Variants in SLC1A2 observed in about 807,000 individuals in gnomAD.
The protein encoded by SLC1A2 is excitatory amino acid transporter 2.
In SLC1A2, 15 loss-of-function variants were observed where a neutral mutation model predicts 48.8. The observed-to-expected ratio is 0.31, with a 90% CI of 0.21 to 0.47. SLC1A2 has a LOEUF of 0.47. Among genes scored for constraint, SLC1A2 ranks in the 20% least tolerant of loss-of-function variants. The pLI, the probability that SLC1A2 is intolerant of heterozygous loss-of-function variation, is 0.99. For synonymous variants in SLC1A2, 279 were observed against 272.6 expected, an observed-to-expected ratio of 1.02 and a Z score of -0.23; for missense variants, 502 against 730.5, an observed-to-expected ratio of 0.69 and a Z score of 3.61.
chr11:35,273,298 G>T (rs192650618), intron 9 of SLC1A2, among the ~76,000 whole-genome samples: 127 of 152,302 alleles, frequency 8.3e-4, no homozygotes, highest in African/African-American at 2.6e-3. Context: ...AAAGTCACAT[G>T]GGGTTAGGGA....
At chr11:35,393,071 A>C (rs1178540956) in intron 1 of SLC1A2, among the ~76,000 whole-genome samples, 1 of 152,198 alleles carries the variant, frequency 6.6e-6, no homozygotes, top group Admixed American at 6.5e-5. Context: ...TGAGAGGCCA[A>C]GTCATTAATC....
chr11:35,342,127 A>T (rs1333811986), intron 1 of SLC1A2, among the ~76,000 whole-genome samples: 1 of 152,184 alleles, frequency 6.6e-6, no homozygotes, highest in African/African-American at 2.4e-5. Context: ...GTAAATGGAG[A>T]TTCTTATATA....
intron 1 of SLC1A2, among the ~76,000 whole-genome samples, chr11:35,333,353 G>A (rs1382338199): frequency 6.6e-6 from 1 of 151,494 alleles, no homozygotes; most frequent in African/African-American, 2.4e-5. Flanking sequence ...GGAGGCGGAG[G>A]CAGCAGTGAG....
rs146761568 is a variant in SLC1A2, at chr11:35,367,052, A to C, written c.18-49536T>G. Among the ~76,000 whole-genome samples the C allele has an allele frequency of 2.9e-4, 44 of 152,334 alleles. No homozygotes were observed. The East Asian group carries it at 7.3e-3, about 25-fold the overall frequency. ...CTGACTCTATCATAGCAGACTTGCT[A>C]CTTACCTCCCAAATGATACTCATCT... is the stretch of plus-strand genomic sequence containing the variant. On this transcript the variant is annotated intron_variant, in intron 1 of 10. Transcript: ENST00000278379.
intron 1 of SLC1A2, chr11:35,360,264 A>G (rs1853629103): frequency 6.2e-6 from 1 of 161,084 alleles, no homozygotes; most frequent in Admixed American, 6.5e-5. Flanking sequence ...TTGTGTAATT[A>G]TGGGAGTTAA....
At chr11:35,324,626 G>A (rs951944477) in intron 1 of SLC1A2, among the ~76,000 whole-genome samples, 1 of 152,156 alleles carries the variant, frequency 6.6e-6, no homozygotes, top group Non-Finnish European at 1.5e-5. Context: ...CATTGGTGCT[G>A]GTGCTTTTTA....
chr11:35,365,171 C>A (rs1853801111), intron 1 of SLC1A2, among the ~76,000 whole-genome samples: 1 of 152,158 alleles, frequency 6.6e-6, no homozygotes, highest in Admixed American at 6.6e-5. Flanking sequence ...ACTGAGGAGG[C>A]CGAGGAATAA....
rs773804611 is a variant in SLC1A2, at chr11:35,292,294, C to T, written c.1084G>A (p.Ala362Thr). 8.7e-6 allele frequency: 14 copies of T among 1,609,550 alleles called. No homozygotes were observed. The highest frequency in any genetic ancestry group is 1.1e-5 in the Non-Finnish European group (13 of 1,176,160). Residue 362 changes from alanine to threonine, a missense_variant, in exon 7 of 11, where the codon GCT (alanine) becomes ACT (threonine). Physicochemically the swap from Ala to Thr is moderately conservative, Grantham distance 58. Coordinates refer to ENST00000278379, the MANE Select transcript of SLC1A2 (RefSeq NM_004171.4). ...ATTTCTTTTGTTCTCTACCTGGAAGCGGTGCCCAGGGCAGTGATCCAAGCT... is the reference window on the plus strand; with the variant it reads ...ATTTCTTTTGTTCTCTACCTGGAAGTGGTGCCCAGGGCAGTGATCCAAGCT... ...FQAWITALGT[A>T]SSAGTLPVTF...
chr11:35,382,240 T>C lies in SLC1A2; in HGVS notation c.17+36710A>G, dbSNP rs549016589. ...GTTGGACCTTTACTTACCATTTGTTTCATACTGTGCTTTCCCTGTGGTCCT... is the reference window on the plus strand; with the variant it reads ...GTTGGACCTTTACTTACCATTTGTTCCATACTGTGCTTTCCCTGTGGTCCT... On this transcript the variant is annotated intron_variant, in intron 1 of 10. Transcript: ENST00000278379. Among the ~76,000 whole-genome samples, 3 of 152,358 alleles carry C rather than the reference T, an allele frequency of 2.0e-5. 1 individual carries two copies. The East Asian group carries it at 5.8e-4, about 29-fold the overall frequency.
intron 9 of SLC1A2, among the ~76,000 whole-genome samples, chr11:35,278,811 G>C (rs910717519): frequency 6.6e-6 from 1 of 151,994 alleles, no homozygotes; most frequent in Non-Finnish European, 1.5e-5. Context: ...TTGAGGTCAG[G>C]AGTTTGAGAC....
At chr11:35,384,717 C>T (rs1854531981) in intron 1 of SLC1A2, among the ~76,000 whole-genome samples, 2 of 152,200 alleles carry the variant, frequency 1.3e-5, no homozygotes, top group African/African-American at 2.4e-5. Flanking sequence ...AAAGGAGTAT[C>T]ATCACAGAAG....
At chr11:35,401,598 G>A (rs139447926) in intron 1 of SLC1A2, among the ~76,000 whole-genome samples, 17 of 152,214 alleles carry the variant, frequency 1.1e-4, no homozygotes, top group African/African-American at 3.1e-4. Context: ...GGTCCACTCC[G>A]TTGCTTGGGG....
At chr11:35,350,015 C>T (rs1853187531) in intron 1 of SLC1A2, among the ~76,000 whole-genome samples, 2 of 152,112 alleles carry the variant, frequency 1.3e-5, no homozygotes, top group South Asian at 4.2e-4. Flanking sequence ...TGAGTTTCTT[C>T]ATGTCTCTGA....
intron 1 of SLC1A2, among the ~76,000 whole-genome samples, chr11:35,363,994 T>C (rs1320974132): frequency 6.6e-6 from 1 of 152,148 alleles, no homozygotes; most frequent in East Asian, 1.9e-4. Context: ...AGAAAGAGGA[T>C]GACCCTCAGA....
intron 9 of SLC1A2, among the ~76,000 whole-genome samples, chr11:35,266,424 C>T (rs1465614351): frequency 6.6e-6 from 1 of 152,104 alleles, no homozygotes; most frequent in East Asian, 1.9e-4. Flanking sequence ...CTTTATCTTG[C>T]TCTATTAACC....
At position 35,313,256 on chromosome 11, in the gene SLC1A2, T is replaced by C. The variant is rs182277273; in HGVS notation, c.311-808A>G. On this transcript the variant is annotated intron_variant, in intron 3 of 10. Coordinates refer to ENST00000278379, the MANE Select transcript of SLC1A2 (RefSeq NM_004171.4). ...TTGAATATATTACTGGTAACTGACA[T>C]GGAGAGTCTGAGAATAACGATTTTG... Among the ~76,000 whole-genome samples the C allele has an allele frequency of 1.2e-3, 181 of 152,328 alleles. No homozygotes were observed. In the Middle Eastern group the frequency reaches 0.017, roughly 14 times the overall value.
intron 3 of SLC1A2, among the ~76,000 whole-genome samples, chr11:35,313,332 C>A (rs911918240): frequency 1.3e-5 from 2 of 152,174 alleles, no homozygotes; most frequent in African/African-American, 4.8e-5. Flanking sequence ...ACATTCCCAG[C>A]CTCATGCAGG....
chr11:35,295,235 TG>T, intron 6 of SLC1A2, among the ~76,000 whole-genome samples: 5 of 152,078 alleles, frequency 3.3e-5, no homozygotes, highest in Admixed American at 3.3e-4. Flanking sequence ...TTTTTATTTT[TG>T]TAGGAGGTCT....
At chr11:35,335,770 C>T (rs542251268) in intron 1 of SLC1A2, among the ~76,000 whole-genome samples, 40 of 152,164 alleles carry the variant, frequency 2.6e-4, no homozygotes, top group African/African-American at 9.6e-4. Context: ...CAAGACCAAC[C>T]TGAGCAACAT....
Sources: gnomAD v4.1 joint callset for allele counts (sites outside exome capture counted in the v4.1 genomes callset) on GRCh38, gnomAD v4.1.1 for gene constraint, MANE v1.5 for transcripts, NCBI Gene and HGNC (gene_info 2026-07-23, HGNC 2026-07-21) for gene names.